The following TSPAN5 variants were observed in gnomAD, a reference collection of about 807,000 sequenced individuals.
TSPAN5 encodes tetraspanin-5.
Under a neutral mutation model 37.1 loss-of-function variants are expected in TSPAN5, and 10 were observed. The observed-to-expected ratio is 0.27, with a 90% CI of 0.17 to 0.46. The LOEUF (loss-of-function observed/expected upper bound fraction) is 0.46. Ranked by LOEUF, TSPAN5 falls within the 20% of genes least tolerant of loss-of-function variation. The pLI is 1.00. For missense variants in TSPAN5, 195 were observed against 326.6 expected, an observed-to-expected ratio of 0.60 and a Z score of 3.11; for synonymous variants, 110 against 118.9, an observed-to-expected ratio of 0.93 and a Z score of 0.48.
intron 1 of TSPAN5, among the ~76,000 whole-genome samples, chr4:98,607,173 G>A (rs1415798877): frequency 6.6e-6 from 1 of 152,168 alleles, no homozygotes; most frequent in Non-Finnish European, 1.5e-5. Context: ...TCCCCGCTCT[G>A]GGCAGTTCCA....
chr4:98,620,563 G>A (rs1037936103), intron 1 of TSPAN5, among the ~76,000 whole-genome samples: 4 of 152,196 alleles, frequency 2.6e-5, no homozygotes, highest in Non-Finnish European at 1.5e-5. Flanking sequence ...TCGACAATAA[G>A]AACAAAGGTG....
chr4:98,519,939 T>C (rs28618327), intron 1 of TSPAN5, among the ~76,000 whole-genome samples: 9,854 of 152,210 alleles, frequency 0.065, 810 homozygotes, highest in African/African-American at 0.17. Flanking sequence ...CGTGGGGTCA[T>C]TGGGAAGACT....
At chr4:98,545,435 C>A (rs1393137166) in intron 1 of TSPAN5, among the ~76,000 whole-genome samples, 1 of 152,166 alleles carries the variant, frequency 6.6e-6, no homozygotes, top group Non-Finnish European at 1.5e-5. Context: ...TGTCCTAATT[C>A]AAAATGTAAC....
intron 1 of TSPAN5, among the ~76,000 whole-genome samples, chr4:98,602,581 T>C (rs1755906734): frequency 6.6e-6 from 1 of 152,194 alleles, no homozygotes; most frequent in African/African-American, 2.4e-5. Context: ...AACCCTACTC[T>C]AAATCCCTGA....
Position 98,609,571 on chromosome 4 carries a change from G to A in TSPAN5, c.81+48575C>T, listed in dbSNP as rs77681671. On this transcript the variant is annotated intron_variant, in intron 1 of 7. Coordinates refer to ENST00000305798, the MANE Select transcript of TSPAN5 (RefSeq NM_005723.4). ...TGGAGCAGTGAAGGAAGCTCCCCAC[G>A]AGCACTGTCCTGAATACAGTCTCCA... 2.7e-3 allele frequency among the ~76,000 whole-genome samples: 413 copies of A among 152,254 alleles called. 3 individuals are homozygous for A. The highest frequency in any genetic ancestry group is 9.1e-3 in the African/African-American group (376 of 41,532).
At chr4:98,529,340 T>C (rs188920815) in intron 1 of TSPAN5, among the ~76,000 whole-genome samples, 1 of 152,346 alleles carries the variant, frequency 6.6e-6, no homozygotes, top group East Asian at 1.9e-4. Flanking sequence ...TGGAAGGGTG[T>C]AGCAAGCCTG....
intron 5 of TSPAN5, among the ~76,000 whole-genome samples, chr4:98,478,350 G>A (rs1752753258): frequency 6.6e-6 from 1 of 152,234 alleles, no homozygotes; most frequent in Non-Finnish European, 1.5e-5. Context: ...CCTGCTAGCA[G>A]TGCAAGCTTG....
intron 2 of TSPAN5, among the ~76,000 whole-genome samples, chr4:98,495,953 C>T (rs1753202282): frequency 6.6e-6 from 1 of 152,134 alleles, no homozygotes; most frequent in Non-Finnish European, 1.5e-5. Flanking sequence ...AGAGACAGGC[C>T]TATGAAATGT....
chr4:98,638,220 C>T (rs1421454537), intron 1 of TSPAN5, among the ~76,000 whole-genome samples: 2 of 152,238 alleles, frequency 1.3e-5, no homozygotes, highest in Non-Finnish European at 2.9e-5. Flanking sequence ...AAATCAAGCA[C>T]TCCCATGTGT....
At chr4:98,568,088 T>C (rs555267430) in intron 1 of TSPAN5, among the ~76,000 whole-genome samples, 4 of 152,168 alleles carry the variant, frequency 2.6e-5, no homozygotes, top group South Asian at 2.1e-4. Flanking sequence ...CTTGCACCAA[T>C]AGAGAAAATG....
Position 98,471,908 on chromosome 4 carries a change from GGA to G in TSPAN5, c.*612_*613del, listed in dbSNP as rs1166479453. ...ATGAAATACACAACTTCTCTTATAA[GGA>G]GACTTTCCAGGATAGACCAAGTGTG... On this transcript the variant is annotated 3_prime_UTR_variant, in exon 8 of 8. Transcript: ENST00000305798. The G allele has an allele frequency of 6.6e-6, 1 of 152,194 alleles. No homozygotes were observed. Among genetic ancestry groups the G allele is most frequent in the African/African-American group, 2.4e-5 (1 of 41,446 alleles). The allele number at this position is 152,194 out of a possible 1,614,324, so 9.4% of individuals were successfully genotyped here.
intron 1 of TSPAN5, among the ~76,000 whole-genome samples, chr4:98,602,863 C>G (rs1755913840): frequency 6.6e-6 from 1 of 152,162 alleles, no homozygotes; most frequent in African/African-American, 2.4e-5. Flanking sequence ...GCTCCTAACA[C>G]ATATGACATA....
intron 1 of TSPAN5, among the ~76,000 whole-genome samples, chr4:98,562,829 C>A (rs1381310209): frequency 6.6e-6 from 1 of 151,964 alleles, no homozygotes. Flanking sequence ...TAAGAAAAAC[C>A]AGGCTTGGGG....
At position 98,470,680 on chromosome 4, in the gene TSPAN5, C is replaced by G. The variant is rs144789975; in HGVS notation, c.*1842G>C. The G allele has an allele frequency of 6.6e-6, 1 of 152,206 alleles. No individual in the cohort carries two copies. Among genetic ancestry groups the G allele is most frequent in the Non-Finnish European group, 1.5e-5 (1 of 68,058 alleles). 9.4% of individuals were successfully genotyped at this position (152,206 alleles called of 1,614,324 possible). A position where few individuals can be genotyped will look rare whatever the true frequency, so the allele number is the denominator to read the frequency against. On this transcript the variant is annotated 3_prime_UTR_variant, in exon 8 of 8. Transcript: ENST00000305798. ...AGATGAAGTAAGACAACCTTACAGT[C>G]GGAGTAAGATGTGAATACCTCTACC...
intron 1 of TSPAN5, among the ~76,000 whole-genome samples, chr4:98,641,684 A>T (rs1756964447): frequency 6.6e-6 from 1 of 152,204 alleles, no homozygotes; most frequent in African/African-American, 2.4e-5. Flanking sequence ...CCAAGTGCCG[A>T]CTTCATCCTA....
At chr4:98,612,830 C>T (rs991545025) in intron 1 of TSPAN5, among the ~76,000 whole-genome samples, 1 of 152,246 alleles carries the variant, frequency 6.6e-6, no homozygotes. Flanking sequence ...TCCCTCCCCC[C>T]ACAGGGCTAA....
intron 1 of TSPAN5, among the ~76,000 whole-genome samples, chr4:98,650,401 G>C (rs1757159250): frequency 6.6e-6 from 1 of 152,158 alleles, no homozygotes; most frequent in Non-Finnish European, 1.5e-5. Flanking sequence ...AGCACTAACA[G>C]CTGAGGAGGG....
chr4:98,647,427 G>C lies in TSPAN5; in HGVS notation c.81+10719C>G, dbSNP rs555649884. On this transcript the variant is annotated intron_variant, in intron 1 of 7. Coordinates refer to ENST00000305798, the MANE Select transcript of TSPAN5 (RefSeq NM_005723.4). ...AAGTCAAGTATTCCTCTTTTATTAG[G>C]ACTACTTAATTGAGTACAATGCATT... Among the ~76,000 whole-genome samples, 90 of 152,210 alleles carry C rather than the reference G, an allele frequency of 5.9e-4. 1 individual carries two copies. The South Asian group carries it at 0.018, about 30-fold the overall frequency.
intron 1 of TSPAN5, among the ~76,000 whole-genome samples, chr4:98,556,105 C>T (rs1754744978): frequency 6.7e-6 from 1 of 149,976 alleles, no homozygotes; most frequent in Non-Finnish European, 1.5e-5. Context: ...GCATCTTCAC[C>T]TACTACCCAA....
Sources: gnomAD v4.1 joint callset for allele counts (sites outside exome capture counted in the v4.1 genomes callset) on GRCh38, gnomAD v4.1.1 for gene constraint, MANE v1.5 for transcripts, NCBI Gene and HGNC (gene_info 2026-07-23, HGNC 2026-07-21) for gene names.